SLCO6A1: variants seen among roughly 807,000 people sequenced by gnomAD.
SLCO6A1 encodes the protein cancer/testis antigen 48.
A neutral mutation model predicts 72.7 loss-of-function variants in SLCO6A1; 65 were observed. The observed-to-expected ratio is 0.89, with a 90% confidence interval of 0.73 to 1.10. SLCO6A1 has a LOEUF of 1.10. SLCO6A1 is among the 50% of genes least tolerant of loss of function. The pLI is 0.00. For missense variants in SLCO6A1, 874 were observed against 872.6 expected (o/e 1.00, Z -0.02); for synonymous variants, 314 against 298.2 (o/e 1.05, Z -0.55).
chr5:102,454,986 C>G (rs1222487547), intron 6 of SLCO6A1, among the ~76,000 whole-genome samples: 1 of 123,364 alleles, frequency 8.1e-6, no homozygotes, highest in Non-Finnish European at 1.6e-5. Context: ...AGGATTAAAC[C>G]AGTATAACAA....
chr5:102,495,642 A>T (rs919709178), intron 1 of SLCO6A1, among the ~76,000 whole-genome samples: 3 of 152,100 alleles, frequency 2.0e-5, no homozygotes, highest in Non-Finnish European at 4.4e-5. Flanking sequence ...ATAAAAAATA[A>T]AATTGATTGC....
chr5:102,457,719 A>C (rs754696911), intron 6 of SLCO6A1, among the ~76,000 whole-genome samples: 60 of 152,186 alleles, frequency 3.9e-4, no homozygotes, highest in Admixed American at 5.9e-4. Flanking sequence ...CTAGAACTAG[A>C]AATACCATTT....
intron 7 of SLCO6A1, among the ~76,000 whole-genome samples, chr5:102,423,537 A>G (rs189031007): frequency 7.2e-4 from 110 of 152,346 alleles, no homozygotes; most frequent in Non-Finnish European, 1.3e-3. Flanking sequence ...GAAGGGCATT[A>G]CATATTGGTA....
intron 4 of SLCO6A1, among the ~76,000 whole-genome samples, chr5:102,462,608 A>G (rs527932417): frequency 6.6e-6 from 1 of 152,346 alleles, no homozygotes; most frequent in African/African-American, 2.4e-5. Context: ...CTGAACTTTG[A>G]CAAAGCAAAC....
intron 12 of SLCO6A1, among the ~76,000 whole-genome samples, chr5:102,387,952 C>T (rs1057055346): frequency 2.0e-5 from 3 of 152,160 alleles, no homozygotes; most frequent in Admixed American, 6.6e-5. Flanking sequence ...CATACCACCA[C>T]GGCATCTCAA....
chr5:102,435,238 T>G (rs1016913859), intron 7 of SLCO6A1, among the ~76,000 whole-genome samples: 6 of 152,228 alleles, frequency 3.9e-5, no homozygotes, highest in Non-Finnish European at 7.4e-5. Flanking sequence ...ACTCTCATCA[T>G]TCCTGAAAAG....
chr5:102,394,965 CAT>C (rs992647395), intron 10 of SLCO6A1, among the ~76,000 whole-genome samples: 20 of 152,210 alleles, frequency 1.3e-4, no homozygotes, highest in South Asian at 6.2e-4. Context: ...TAAATTCCCA[CAT>C]GAGTTGGGGT....
At chr5:102,376,427 A>T (rs1262776121) in intron 12 of SLCO6A1, among the ~76,000 whole-genome samples, 1 of 152,156 alleles carries the variant, frequency 6.6e-6, no homozygotes. Context: ...TAAGAAAAAG[A>T]TCACCAATGG....
chr5:102,389,637 T>G (rs1359927548), intron 11 of SLCO6A1, among the ~76,000 whole-genome samples: 1 of 152,058 alleles, frequency 6.6e-6, no homozygotes, highest in African/African-American at 2.4e-5. Context: ...TATTTTTAAT[T>G]ACTCAAGTTT....
chr5:102,398,105 T>C (rs527490641), intron 10 of SLCO6A1, among the ~76,000 whole-genome samples: 1 of 152,308 alleles, frequency 6.6e-6, no homozygotes, highest in African/African-American at 2.4e-5. Context: ...ATTCATTCAG[T>C]TCCAAACTGG....
chr5:102,477,639 A>C (rs766782947), intron 3 of SLCO6A1, 37 bp downstream of exon 3: 3 of 1,570,232 alleles, frequency 1.9e-6, no homozygotes. Context: ...AAGAAAACTC[A>C]AAATGGGTCA....
At chr5:102,475,963 A>G (rs1312278144) in intron 3 of SLCO6A1, among the ~76,000 whole-genome samples, 170 bp from the exon 4 acceptor site, 1 of 152,196 alleles carries the variant, frequency 6.6e-6, no homozygotes, top group African/African-American at 2.4e-5. Context: ...ACAGTAATGG[A>G]AAACCAAGTA....
intron 6 of SLCO6A1, among the ~76,000 whole-genome samples, chr5:102,451,736 T>G (rs1345314276): frequency 3.3e-5 from 5 of 152,114 alleles, no homozygotes; most frequent in African/African-American, 1.2e-4. Flanking sequence ...TCTTCCCTCT[T>G]CTCCATGGGT....
chr5:102,451,916 T>C (rs1284021278), intron 6 of SLCO6A1, among the ~76,000 whole-genome samples: 1 of 152,238 alleles, frequency 6.6e-6, no homozygotes, highest in Non-Finnish European at 1.5e-5. Context: ...GTTATTTAAA[T>C]AGGATTTATA....
At chr5:102,489,373 G>C (rs1158853418) in intron 1 of SLCO6A1, among the ~76,000 whole-genome samples, 1 of 152,006 alleles carries the variant, frequency 6.6e-6, no homozygotes. Context: ...TTATTACCCA[G>C]AATATTTAAG....
At chr5:102,447,925 G>A (rs562846342) in intron 6 of SLCO6A1, among the ~76,000 whole-genome samples, 1 of 152,096 alleles carries the variant, frequency 6.6e-6, no homozygotes, top group Admixed American at 6.5e-5. Flanking sequence ...CTTTGGAGTT[G>A]GTTTGCTCTT....
chr5:102,464,775 G>A (rs887817779), intron 4 of SLCO6A1, among the ~76,000 whole-genome samples: 3 of 152,176 alleles, frequency 2.0e-5, no homozygotes, highest in Non-Finnish European at 4.4e-5. Context: ...CCAGATTTAA[G>A]TTTCCTGATG....
At chr5:102,459,568 A>C (rs1750914076) in intron 5 of SLCO6A1, 88 bp downstream of exon 5, 2 of 1,364,440 alleles carry the variant, frequency 1.5e-6, no homozygotes. Flanking sequence ...ATTTTATTAA[A>C]AATGTAATAC....
In SLCO6A1 at chr5:102,396,996, T is replaced by C. The variant is rs185608762; in HGVS notation, c.1814+2559A>G. Among the ~76,000 whole-genome samples the C allele has an allele frequency of 1.7e-4, 26 of 152,310 alleles. No individual in the cohort carries two copies. In the East Asian group the frequency reaches 4.6e-3, roughly 27 times the overall value. On this transcript the variant is annotated intron_variant, in intron 10 of 13. Coordinates refer to ENST00000506729, the MANE Select transcript of SLCO6A1 (RefSeq NM_173488.5). Reference sequence around the variant, plus strand: ...CACCTCTCAAATACAGCAGTCAGATTGCCTACTCTCTTAATATTGTTACAG... The same window carrying C: ...CACCTCTCAAATACAGCAGTCAGATCGCCTACTCTCTTAATATTGTTACAG...
Sources: allele counts gnomAD v4.1 joint callset (sites outside exome capture counted in the v4.1 genomes callset), GRCh38; gene constraint gnomAD v4.1.1; transcripts MANE v1.5; gene names NCBI Gene and HGNC (gene_info 2026-07-23, HGNC 2026-07-21).